TWIST2: variants seen among roughly 807,000 people sequenced by gnomAD.
The protein encoded by TWIST2 is twist-related protein 2.
A neutral mutation model predicts 11.6 loss-of-function variants in TWIST2; 1 was observed. The ratio of observed to expected loss-of-function variants is 0.09; its 90% CI spans 0.03 to 0.41. TWIST2 has a LOEUF of 0.41. Among genes scored for constraint, TWIST2 ranks in the 10% least tolerant of loss-of-function variants. TWIST2 has a pLI of 0.98. For synonymous variants in TWIST2, 87 were observed against 96.6 expected (o/e 0.90, Z 0.58); for missense variants, 168 against 226.4 (o/e 0.74, Z 1.66).
rs1331728158 is a variant in TWIST2 at position 238,863,672 on chromosome 2, G to GA, written c.*35+14945dup. Among the ~76,000 whole-genome samples, 3 of 152,044 alleles carry GA rather than the reference G, an allele frequency of 2.0e-5. No individual in the cohort carries two copies. Among genetic ancestry groups the GA allele is most frequent in the Non-Finnish European group, 2.9e-5 (2 of 67,996 alleles). On this transcript the variant is annotated intron_variant, in intron 1 of 1. Coordinates refer to ENST00000612363, the MANE Select transcript of TWIST2 (RefSeq NM_001271893.4). The surrounding 1 kb of genome is among the most constrained non-coding windows in gnomAD (Gnocchi z 4.7). ...ACTTCAGCTTTGGGGAAGCAAGTGG[G>GA]AAAAAACCTCAATGAACCCCTTAGC...
intron 1 of TWIST2, among the ~76,000 whole-genome samples, chr2:238,860,759 G>A (rs183137749): frequency 7.2e-5 from 11 of 152,290 alleles, no homozygotes; most frequent in East Asian, 1.9e-4. Flanking sequence ...CCAACATGGC[G>A]AAACCCCGGT....
chr2:238,855,897 T>C (rs1167704105), intron 1 of TWIST2, among the ~76,000 whole-genome samples: 1 of 152,186 alleles, frequency 6.6e-6, no homozygotes, highest in Non-Finnish European at 1.5e-5. Flanking sequence ...CGACTCCCTC[T>C]CCTTCGTGGG....
chr2:238,879,899 T>A (rs550171520), intron 1 of TWIST2, among the ~76,000 whole-genome samples: 2 of 152,322 alleles, frequency 1.3e-5, no homozygotes, highest in African/African-American at 4.8e-5. Context: ...GCAGAGATAG[T>A]TTATGTGGAG....
intron 1 of TWIST2, among the ~76,000 whole-genome samples, chr2:238,872,944 C>T (rs905852605): frequency 1.3e-5 from 2 of 152,170 alleles, no homozygotes; most frequent in African/African-American, 4.8e-5. Context: ...GTGCTGGAGA[C>T]ATAAGAATGA....
intron 1 of TWIST2, among the ~76,000 whole-genome samples, chr2:238,897,498 A>G (rs1693220286): frequency 6.6e-6 from 1 of 152,086 alleles, no homozygotes; most frequent in African/African-American, 2.4e-5. Context: ...GCCAGGCCCC[A>G]CCAACCCAGG....
At chr2:238,871,925 A>T (rs2106360329) in intron 1 of TWIST2, among the ~76,000 whole-genome samples, 1 of 152,282 alleles carries the variant, frequency 6.6e-6, no homozygotes, top group African/African-American at 2.4e-5. Context: ...TAGTGGGGAC[A>T]GAGTCTCAGT....
intron 1 of TWIST2, among the ~76,000 whole-genome samples, chr2:238,851,884 T>C (rs1396323980): frequency 1.3e-5 from 2 of 152,192 alleles, no homozygotes; most frequent in Non-Finnish European, 2.9e-5. Flanking sequence ...ATGTGGGTCT[T>C]TCCCCTTAAA....
At chr2:238,908,878 T>C (rs1487089457) in intron 1 of TWIST2, among the ~76,000 whole-genome samples, 1 of 3,904 alleles carries the variant, frequency 2.6e-4, no homozygotes, top group Non-Finnish European at 6.4e-4. Flanking sequence ...GGTGTGTTTG[T>C]GTGGTGTGTG....
At chr2:238,854,704 G>A (rs959280601) in intron 1 of TWIST2, among the ~76,000 whole-genome samples, 25 of 152,324 alleles carry the variant, frequency 1.6e-4, no homozygotes, top group African/African-American at 5.8e-4. Flanking sequence ...GTAAGTAGAT[G>A]CCCCTGCTGA....
chr2:238,862,805 A>G (rs1005084365), intron 1 of TWIST2, among the ~76,000 whole-genome samples: 1 of 152,232 alleles, frequency 6.6e-6, no homozygotes, highest in African/African-American at 2.4e-5. Flanking sequence ...AATAGGTGGG[A>G]TAAACTCTGC....
At chr2:238,860,646 A>C (rs1340028761) in intron 1 of TWIST2, among the ~76,000 whole-genome samples, 2 of 152,138 alleles carry the variant, frequency 1.3e-5, no homozygotes, top group Admixed American at 1.3e-4. Flanking sequence ...AGCAGACAAA[A>C]ACTGTTCCGG....
At chr2:238,887,663 G>A (rs974476418) in intron 1 of TWIST2, among the ~76,000 whole-genome samples, 7 of 152,226 alleles carry the variant, frequency 4.6e-5, no homozygotes, top group African/African-American at 1.4e-4. Context: ...AGGAAGCCTC[G>A]GTGCAGCTTC....
chr2:238,854,401 G>C (rs1692294294), intron 1 of TWIST2, among the ~76,000 whole-genome samples: 1 of 152,126 alleles, frequency 6.6e-6, no homozygotes, highest in South Asian at 2.1e-4. Flanking sequence ...AAAGATTTGG[G>C]CAAACCCCTT....
intron 1 of TWIST2, among the ~76,000 whole-genome samples, chr2:238,901,063 TG>T (rs1693263964): frequency 1.4e-5 from 2 of 148,078 alleles, no homozygotes; most frequent in African/African-American, 4.9e-5. Flanking sequence ...CTGCAACTTC[TG>T]CCTCCCAGGT....
intron 1 of TWIST2, among the ~76,000 whole-genome samples, chr2:238,883,846 CTG>C (rs778233920): frequency 3.9e-5 from 6 of 152,164 alleles, no homozygotes; most frequent in Non-Finnish European, 8.8e-5. Flanking sequence ...ATGCACATAA[CTG>C]TGGCTTTTCT....
intron 1 of TWIST2, among the ~76,000 whole-genome samples, chr2:238,908,875 TTGTG>T (rs1693401799): frequency 4.5e-5 from 2 of 44,752 alleles, no homozygotes; most frequent in South Asian, 1.9e-3. Context: ...TGTGGTGTGT[TTGTG>T]TGGTGTGTGG....
rs1345013266 is a variant in TWIST2, at chr2:238,893,319, T to A, written c.*36-16523T>A. Reference sequence around the variant, plus strand: ...CGCATTTTAAAAACGGCCTATTTTTTTCAAGATTAATTTGAAGGACTAAAA... The same window carrying A: ...CGCATTTTAAAAACGGCCTATTTTTATCAAGATTAATTTGAAGGACTAAAA... On this transcript the variant is annotated intron_variant, in intron 1 of 1. Coordinates refer to ENST00000612363, the MANE Select transcript of TWIST2 (RefSeq NM_001271893.4). Among the ~76,000 whole-genome samples, 3 of 152,350 alleles carry A rather than the reference T, an allele frequency of 2.0e-5. No individual in the cohort carries two copies. The East Asian group carries it at 5.8e-4, about 29-fold the overall frequency.
intron 1 of TWIST2, among the ~76,000 whole-genome samples, chr2:238,899,789 C>T (rs1040731009): frequency 3.3e-4 from 51 of 152,276 alleles, no homozygotes; most frequent in African/African-American, 9.6e-4. Flanking sequence ...GATTCACAGG[C>T]GGCAACGTTC....
At chr2:238,870,565 A>ACACACACAC (rs1692658521) in intron 1 of TWIST2, among the ~76,000 whole-genome samples, 1 of 90,984 alleles carries the variant, frequency 1.1e-5, no homozygotes, top group Non-Finnish European at 2.2e-5. Flanking sequence ...CACACACCAC[A>ACACACACAC]CACCACACAC....
Sources: gnomAD v4.1 joint callset for allele counts (sites outside exome capture counted in the v4.1 genomes callset) on GRCh38, gnomAD v4.1.1 for gene constraint, Gnocchi (gnomAD v3.1) non-coding constraint, MANE v1.5 for transcripts, NCBI Gene and HGNC (gene_info 2026-07-23, HGNC 2026-07-21) for gene names.